Variants in RTKN2 observed in about 807,000 individuals in gnomAD.
The protein encoded by RTKN2 is rhotekin-2.
Under a neutral mutation model 71.5 loss-of-function variants are expected in RTKN2, and 69 were observed. The observed-to-expected ratio is 0.96, with a 90% CI of 0.79 to 1.18. The LOEUF (loss-of-function observed/expected upper bound fraction) is 1.18, where lower values mean the gene tolerates loss of function less well. RTKN2 is among the 50% of genes most tolerant of loss of function. RTKN2 has a pLI of 0.00. For synonymous variants in RTKN2, 236 were observed against 236.5 expected, an observed-to-expected ratio of 1.00 and a Z score of 0.02; for missense variants, 724 against 719.7, an observed-to-expected ratio of 1.01 and a Z score of -0.07.
chr10:62,199,648 G>A (rs1841399235), intron 11 of RTKN2, 106 bp downstream of exon 11: 3 of 593,902 alleles, frequency 5.1e-6, no homozygotes, highest in Non-Finnish European at 9.1e-6. Context: ...TATTTTGATT[G>A]TGCCCTGAAA....
intron 6 of RTKN2, among the ~76,000 whole-genome samples, chr10:62,231,271 A>T (rs1842143257): frequency 6.6e-6 from 1 of 152,214 alleles, no homozygotes; most frequent in Admixed American, 6.5e-5. Context: ...TGTACTAAAT[A>T]GTTATCAAGG....
chr10:62,194,495 A>G lies in RTKN2; in HGVS notation c.*3413T>C. 1 of 983,440 alleles carries G rather than the reference A, an allele frequency of 1.0e-6. No individual in the cohort carries two copies. The highest frequency in any genetic ancestry group is 1.2e-6 in the Non-Finnish European group (1 of 828,226). The allele number at this position is 983,440 out of a possible 1,614,324, so 60.9% of individuals were successfully genotyped here. A position where few individuals can be genotyped will look rare whatever the true frequency, so the allele number is the denominator to read the frequency against. ...CTATTCAATAATTCACTCTTTAACA[A>G]GAAAATGAGTTTTGATAAATTCAGA... is the stretch of plus-strand genomic sequence containing the variant. On this transcript the variant is annotated 3_prime_UTR_variant, in exon 12 of 12. Transcript: ENST00000373789.
At chr10:62,207,757 A>G (rs759136153) in intron 9 of RTKN2, among the ~76,000 whole-genome samples, 5 of 152,094 alleles carry the variant, frequency 3.3e-5, no homozygotes, top group Admixed American at 6.5e-5. Flanking sequence ...GAATAAACAA[A>G]TGAAACAGGA....
downstream of RTKN2, among the ~76,000 whole-genome samples, chr10:62,192,968 T>C (rs780319294): frequency 6.6e-6 from 1 of 152,160 alleles, no homozygotes; most frequent in African/African-American, 2.4e-5. Flanking sequence ...GTATGTTATA[T>C]CTATAGTATT....
intron 7 of RTKN2, among the ~76,000 whole-genome samples, chr10:62,222,173 A>G (rs1234739378): frequency 1.3e-5 from 2 of 152,162 alleles, no homozygotes; most frequent in Admixed American, 1.3e-4. Context: ...CAATGGTACA[A>G]TCATACCTCA....
chr10:62,218,318 G>GAA lies in RTKN2; in HGVS notation c.782-19_782-18dup. The GAA allele has an allele frequency of 8.5e-7, 1 of 1,174,682 alleles. No individual in the cohort carries two copies. Among genetic ancestry groups the GAA allele is most frequent in the Non-Finnish European group, 1.2e-6 (1 of 821,142 alleles). 72.8% of individuals were successfully genotyped at this position (1,174,682 alleles called of 1,614,324 possible). On this transcript the variant is annotated splice_polypyrimidine_tract_variant and intron_variant, in intron 7 of 11. Coordinates refer to ENST00000373789, the MANE Select transcript of RTKN2 (RefSeq NM_145307.4). ...AAGACTCCTCTATTTAAAGGAGAAA[G>GAA]AAAAAAAAAAATCAAGTTATAAATA...
chr10:62,251,365 T>C (rs1842578329), intron 2 of RTKN2, among the ~76,000 whole-genome samples: 1 of 152,194 alleles, frequency 6.6e-6, no homozygotes, highest in African/African-American at 2.4e-5. Flanking sequence ...GGTGTATGTA[T>C]AGGAAAAAAC....
chr10:62,202,271 G>C (rs545852633), intron 10 of RTKN2, among the ~76,000 whole-genome samples: 2 of 152,060 alleles, frequency 1.3e-5, no homozygotes, highest in Non-Finnish European at 2.9e-5. Flanking sequence ...ACTTCCGTAA[G>C]TGTTTCCTCC....
intron 7 of RTKN2, among the ~76,000 whole-genome samples, chr10:62,220,215 C>T (rs1037603699): frequency 1.3e-5 from 2 of 152,162 alleles, no homozygotes; most frequent in Non-Finnish European, 2.9e-5. Flanking sequence ...TAGAATAGTA[C>T]ACAACAATGT....
chr10:62,233,537 C>T (rs888130925), intron 6 of RTKN2, among the ~76,000 whole-genome samples: 3 of 151,690 alleles, frequency 2.0e-5, no homozygotes, highest in Admixed American at 6.6e-5. Flanking sequence ...GACTGATTCA[C>T]GGGTCATGAA....
At chr10:62,185,144 G>A (rs900551824) in intron 8 of RTKN2, among the ~76,000 whole-genome samples, 6 of 151,560 alleles carry the variant, frequency 4.0e-5, no homozygotes, top group Non-Finnish European at 7.4e-5. Flanking sequence ...TCTCATGACA[G>A]CTTGACTTGT....
At chr10:62,258,745 A>T (rs1842719426) in intron 2 of RTKN2, among the ~76,000 whole-genome samples, 1 of 152,220 alleles carries the variant, frequency 6.6e-6, no homozygotes, top group South Asian at 2.1e-4. Flanking sequence ...ATACATGTGT[A>T]TATGTAACAT....
At chr10:62,237,977 T>C (rs1177112123) in intron 5 of RTKN2, among the ~76,000 whole-genome samples, 2 of 151,892 alleles carry the variant, frequency 1.3e-5, no homozygotes, top group African/African-American at 4.8e-5. Context: ...CATTAAAGAC[T>C]GTGGTGGTGT....
At chr10:62,268,483 A>G in intron 1 of RTKN2, 68 bp downstream of exon 1, 1 of 1,443,296 alleles carries the variant, frequency 6.9e-7, no homozygotes, top group Non-Finnish European at 9.5e-7. Context: ...TCCTCCACAA[A>G]GCAAATGCGC....
At chr10:62,216,403 A>T (rs546864574) in intron 9 of RTKN2, among the ~76,000 whole-genome samples, 2 of 152,202 alleles carry the variant, frequency 1.3e-5, no homozygotes, top group East Asian at 3.9e-4. Flanking sequence ...GGAATGCTCT[A>T]AAAAATGAGG....
intron 9 of RTKN2, among the ~76,000 whole-genome samples, chr10:62,207,439 T>C (rs796964982): frequency 2.0e-5 from 3 of 152,188 alleles, no homozygotes; most frequent in African/African-American, 7.2e-5. Flanking sequence ...ATCAAAAAAA[T>C]GCGTGTTGAA....
Position 62,198,279 on chromosome 10 carries a change from G to A in RTKN2, c.1459C>T (p.Leu487=). The change falls in exon 12 of 12, where the codon CTG becomes TTG. Residue 487 remains leucine, a synonymous_variant. Coordinates refer to ENST00000373789, the MANE Select transcript of RTKN2 (RefSeq NM_145307.4). ...NHQMVIQKKV[L]YPASEPLHDE... ...TGTAATGGCTCACTTGCAGGATACAGTACCTTTTTCTGGATGACCATTTGA... is the reference window on the plus strand; with the variant it reads ...TGTAATGGCTCACTTGCAGGATACAATACCTTTTTCTGGATGACCATTTGA... 1 of 1,613,866 alleles carries A rather than the reference G, an allele frequency of 6.2e-7. No individual in the cohort carries two copies. The highest frequency in any genetic ancestry group is 8.5e-7 in the Non-Finnish European group (1 of 1,179,828).
At chr10:62,225,128 G>C (rs1004349562) in intron 6 of RTKN2, among the ~76,000 whole-genome samples, 1 of 152,148 alleles carries the variant, frequency 6.6e-6, no homozygotes, top group Non-Finnish European at 1.5e-5. Context: ...ATTGTTTCTA[G>C]CAGCTCTAAC....
Position 62,217,106 on chromosome 10 carries a change from C to G in RTKN2, c.1020+12G>C. 6.5e-7 allele frequency: 1 copy of G among 1,541,584 alleles called. No homozygotes were observed. Among genetic ancestry groups the G allele is most frequent in the East Asian group, 2.3e-5 (1 of 43,280 alleles). On this transcript the variant is annotated intron_variant, in intron 9 of 11. Coordinates refer to ENST00000373789, the MANE Select transcript of RTKN2 (RefSeq NM_145307.4). Reference sequence around the variant, plus strand: ...GATGTATATTTTTTTCTCAAAATAGCATTTCCTTTACCTTGTTAATGGGTA... The same window carrying G: ...GATGTATATTTTTTTCTCAAAATAGGATTTCCTTTACCTTGTTAATGGGTA...
Sources: gnomAD v4.1 joint callset for allele counts (sites outside exome capture counted in the v4.1 genomes callset) on GRCh38, gnomAD v4.1.1 for gene constraint, MANE v1.5 for transcripts, NCBI Gene and HGNC (gene_info 2026-07-23, HGNC 2026-07-21) for gene names.